PADI4: variants seen among roughly 807,000 people sequenced by gnomAD.
PADI4 encodes the protein peptidyl arginine deiminase 4.
In PADI4, 62 loss-of-function variants were observed where a neutral mutation model predicts 75.0. That is an observed-to-expected ratio of 0.83 (90% CI 0.67 to 1.02). PADI4 has a LOEUF of 1.02. Among genes scored for constraint, PADI4 ranks in the 50% least tolerant of loss-of-function variants. The pLI is 0.00. For synonymous variants in PADI4, 361 were observed against 348.1 expected (o/e 1.04, Z -0.41); for missense variants, 845 against 850.5 (o/e 0.99, Z 0.08).
chr1:17,341,161 C>T (rs1280743683), intron 6 of PADI4, among the ~76,000 whole-genome samples: 1 of 150,082 alleles, frequency 6.7e-6, no homozygotes, highest in East Asian at 2.0e-4. Context: ...TGCAGTGGCG[C>T]AATCTCAACT....
intron 1 of PADI4, among the ~76,000 whole-genome samples, chr1:17,323,916 A>T (rs2074075316): frequency 6.6e-6 from 1 of 152,086 alleles, no homozygotes; most frequent in Admixed American, 6.5e-5. Flanking sequence ...CTGTGACCTT[A>T]TGTGGACGGA....
At chr1:17,353,640 G>A (rs1011984267) in intron 10 of PADI4, among the ~76,000 whole-genome samples, 1 of 152,080 alleles carries the variant, frequency 6.6e-6, no homozygotes, top group African/African-American at 2.4e-5. Flanking sequence ...TAGTCCCCCC[G>A]AACCTGATGT....
At chr1:17,333,545 G>C (rs1459254291) in intron 2 of PADI4, among the ~76,000 whole-genome samples, 3 of 151,796 alleles carry the variant, frequency 2.0e-5, no homozygotes, top group African/African-American at 7.3e-5. Context: ...CCAGGGTCTG[G>C]TTCTTCAGGT....
At chr1:17,316,255 A>G (rs1220606263) in intron 1 of PADI4, among the ~76,000 whole-genome samples, 1 of 151,656 alleles carries the variant, frequency 6.6e-6, no homozygotes, top group Non-Finnish European at 1.5e-5. Context: ...TTAGCTGGGC[A>G]TGGTGGTGCA....
chr1:17,356,531 G>C lies in PADI4; in HGVS notation c.1558+72G>C. On this transcript the variant is annotated intron_variant, in intron 13 of 15. Transcript: ENST00000375448. This position sits in a 1 kb window ranked among gnomAD's most constrained non-coding sequence, Gnocchi z 4.1. ...CCCATAGTCCGCTGTTGCCTGGAGG[G>C]AATCATCCAGGCAATAGGGTAGCAT... The C allele has an allele frequency of 1.1e-6, 1 of 894,708 alleles. No individual in the cohort carries two copies. The highest frequency in any genetic ancestry group is 1.8e-6 in the Non-Finnish European group (1 of 554,058). 55.4% of individuals were successfully genotyped at this position (894,708 alleles called of 1,614,324 possible). A position where few individuals can be genotyped will look rare whatever the true frequency, so the allele number is the denominator to read the frequency against.
At chr1:17,320,166 C>G (rs1268629445) in intron 1 of PADI4, among the ~76,000 whole-genome samples, 1 of 152,194 alleles carries the variant, frequency 6.6e-6, no homozygotes, top group Non-Finnish European at 1.5e-5. Context: ...CTAGAGGTGC[C>G]CGCATTCCTT....
chr1:17,333,241 G>A (rs1294942248), intron 2 of PADI4, among the ~76,000 whole-genome samples: 1 of 152,080 alleles, frequency 6.6e-6, no homozygotes, highest in Non-Finnish European at 1.5e-5. Flanking sequence ...GATGGCCGTG[G>A]CGTTTTCCTG....
intron 2 of PADI4, 141 bp from the exon 3 acceptor site, chr1:17,333,802 G>T: frequency 1.6e-6 from 1 of 625,172 alleles, no homozygotes; most frequent in Non-Finnish European, 2.9e-6. Context: ...CATCGGATGG[G>T]GCCACTCCTT....
chr1:17,323,507 G>A (rs999260251), intron 1 of PADI4, among the ~76,000 whole-genome samples: 1 of 152,086 alleles, frequency 6.6e-6, no homozygotes, highest in Admixed American at 6.6e-5. Flanking sequence ...TCTTAATATA[G>A]AGACAAATAT....
intron 1 of PADI4, among the ~76,000 whole-genome samples, chr1:17,329,637 G>A (rs1326439893): frequency 6.6e-6 from 1 of 152,182 alleles, no homozygotes; most frequent in Non-Finnish European, 1.5e-5. Flanking sequence ...GGTGGCAGAG[G>A]AGGAAGGAAA....
Position 17,342,031 on chromosome 1 carries a change from G to C in PADI4, c.741G>C (p.Met247Ile). Reference protein sequence around the residue: ...YLMVPGGKHNMDFYVEALAFP... With the variant: ...YLMVPGGKHNIDFYVEALAFP... Reference sequence around the variant, plus strand: ...TGGTCCCCGGTGGAAAGCACAACATGGACTTCTACGTGGAGGCCCTCGCTT... The same window carrying C: ...TGGTCCCCGGTGGAAAGCACAACATCGACTTCTACGTGGAGGCCCTCGCTT... The change falls in exon 7 of 16, where the codon ATG (methionine) becomes ATC (isoleucine). Residue 247 changes from methionine to isoleucine, a missense_variant. By Grantham distance (10) the Met-to-Ile change is conservative. Transcript: ENST00000375448. 6.2e-7 allele frequency: 1 copy of C among 1,613,936 alleles called. No homozygotes were observed. Among genetic ancestry groups the C allele is most frequent in the Non-Finnish European group, 8.5e-7 (1 of 1,179,840 alleles).
At chr1:17,354,454 A>G (rs915948738) in intron 10 of PADI4, 79 bp from the exon 11 acceptor site, 105 of 1,259,954 alleles carry the variant, frequency 8.3e-5, no homozygotes, top group Non-Finnish European at 5.0e-5. Flanking sequence ...GCCCAAGTTC[A>G]TCTCTAAACT....
At chr1:17,322,143 T>C (rs943210560) in intron 1 of PADI4, among the ~76,000 whole-genome samples, 2 of 152,198 alleles carry the variant, frequency 1.3e-5, no homozygotes, top group African/African-American at 4.8e-5. Context: ...AGTTCTGTCC[T>C]TTGTCCTGTA....
chr1:17,308,544 A>ACG (rs2073716121), intron 1 of PADI4, among the ~76,000 whole-genome samples: 1 of 152,132 alleles, frequency 6.6e-6, no homozygotes, highest in South Asian at 2.1e-4. Flanking sequence ...AACACACGAC[A>ACG]GATAAATTAT....
chr1:17,309,680 G>A (rs2073774831), intron 1 of PADI4, among the ~76,000 whole-genome samples: 2 of 152,220 alleles, frequency 1.3e-5, no homozygotes, highest in Non-Finnish European at 2.9e-5. Context: ...GAGTGCCGGG[G>A]ACATTTCTTT....
chr1:17,359,565 T>TCCA (rs1256934303), intron 15 of PADI4, among the ~76,000 whole-genome samples, 157 bp downstream of exon 15: 1 of 152,078 alleles, frequency 6.6e-6, no homozygotes, highest in African/African-American at 2.4e-5. Context: ...CGTGACCAGG[T>TCCA]CCATGCACGT....
At chr1:17,353,979 C>T (rs1228524102) in intron 10 of PADI4, among the ~76,000 whole-genome samples, 1 of 151,986 alleles carries the variant, frequency 6.6e-6, no homozygotes, top group African/African-American at 2.4e-5. Flanking sequence ...GGGGCTCATG[C>T]CTGTAATCCC....
chr1:17,313,498 CAAAAAAAAAAAA>C lies in PADI4; in HGVS notation c.92+5196_92+5207del, dbSNP rs71014933. On this transcript the variant is annotated intron_variant, in intron 1 of 15. Transcript: ENST00000375448. ...CCTGGGCGACAGTGCAAGACCTTGT[CAAAAAAAAAAAA>C]AAAAAAAAAAAGGAAAGGAAGGAAA... Among the ~76,000 whole-genome samples the C allele has an allele frequency of 3.5e-3, 237 of 68,418 alleles. 4 individuals are homozygous for C. In the Admixed American group the frequency reaches 0.046, roughly 13 times the overall value. The allele number at this position is 68,418 out of a possible 152,430, so 44.9% of individuals were successfully genotyped here. A position where few individuals can be genotyped will look rare whatever the true frequency, so the allele number is the denominator to read the frequency against.
At chr1:17,354,498 C>G in intron 10 of PADI4, 35 bp from the exon 11 acceptor site, 1 of 1,610,014 alleles carries the variant, frequency 6.2e-7, no homozygotes, top group East Asian at 2.2e-5. Context: ...GGACCTCATT[C>G]CTCTAACTCT....
Sources: gnomAD v4.1 joint callset for allele counts (sites outside exome capture counted in the v4.1 genomes callset) on GRCh38, gnomAD v4.1.1 for gene constraint, Gnocchi (gnomAD v3.1) non-coding constraint, MANE v1.5 for transcripts, NCBI Gene and HGNC (gene_info 2026-07-23, HGNC 2026-07-21) for gene names.